ABCB9: variants seen among roughly 807,000 people sequenced by gnomAD.
The protein encoded by ABCB9 is ABC-type oligopeptide transporter ABCB9.
In ABCB9, 36 loss-of-function variants were observed where a neutral mutation model predicts 62.0. The observed-to-expected ratio is 0.58, with a 90% CI of 0.45 to 0.77. The LOEUF (loss-of-function observed/expected upper bound fraction) is 0.77. Ranked by LOEUF, ABCB9 falls within the 30% of genes least tolerant of loss-of-function variation. ABCB9 has a pLI of 0.00. For synonymous variants in ABCB9, 435 were observed against 461.4 expected, an observed-to-expected ratio of 0.94 and a Z score of 0.73; for missense variants, 943 against 1,054.7, an observed-to-expected ratio of 0.89 and a Z score of 1.47.
At chr12:122,928,029 CA>C (rs1214361671), downstream of ABCB9, among the ~76,000 whole-genome samples, 1 of 152,122 alleles carries the variant, frequency 6.6e-6, no homozygotes, top group Non-Finnish European at 1.5e-5. Context: ...TGGTGGCCCC[CA>C]AAAGCTTCCC....
chr12:122,950,496 T>C lies in ABCB9; in HGVS notation c.671A>G (p.Gln224Arg), dbSNP rs1173490093. The C allele has an allele frequency of 2.5e-6, 4 of 1,613,384 alleles. No homozygotes were observed. Among genetic ancestry groups the C allele is most frequent in the South Asian group, 1.1e-5 (1 of 91,074 alleles). The change falls in exon 3 of 12, where the codon CAG becomes CGG. Residue 224 changes from glutamine (Q) to arginine (R), a missense_variant. Physicochemically the swap from Gln to Arg is conservative, Grantham distance 43. Coordinates refer to ENST00000280560, the MANE Select transcript of ABCB9 (RefSeq NM_019625.4). ...CACGATGACGACAGCCGTGCTGAAC[T>C]GATCCATGCTTTTCTGGATGACGAT... ...DGIVIQKSMD[Q>R]FSTAVVIVCL...
chr12:122,941,124 A>C, intron 7 of ABCB9, 129 bp from the exon 8 acceptor site: 1 of 938,930 alleles, frequency 1.1e-6, no homozygotes, highest in Non-Finnish European at 1.6e-6. Flanking sequence ...AGGCCACCTG[A>C]CCACCCACTG....
At chr12:122,955,617 A>G (rs1184981869) in intron 2 of ABCB9, among the ~76,000 whole-genome samples, 2 of 152,136 alleles carry the variant, frequency 1.3e-5, no homozygotes, top group African/African-American at 4.8e-5. Context: ...CCTGGCCTCA[A>G]GTGATCCTCC....
intron 4 of ABCB9, 170 bp from the exon 5 acceptor site, chr12:122,948,999 G>A (rs2036208789): frequency 1.8e-6 from 1 of 544,126 alleles, no homozygotes; most frequent in Non-Finnish European, 3.2e-6. Flanking sequence ...GCTACTCTGA[G>A]CCAATCCCAG....
downstream of ABCB9, among the ~76,000 whole-genome samples, chr12:122,926,642 A>C (rs1203710390): frequency 6.6e-6 from 1 of 152,026 alleles, no homozygotes; most frequent in Non-Finnish European, 1.5e-5. Flanking sequence ...TAAGCTCAAC[A>C]CTTTGGGAGG....
chr12:122,926,004 G>A (rs1308958237), downstream of ABCB9, among the ~76,000 whole-genome samples: 1 of 152,182 alleles, frequency 6.6e-6, no homozygotes, highest in African/African-American at 2.4e-5. Context: ...ACGTAGTATA[G>A]GGTTCCATGT....
chr12:122,965,633 G>GCCCTGCACTATC (rs2037129542), intron 1 of ABCB9, among the ~76,000 whole-genome samples: 1 of 152,190 alleles, frequency 6.6e-6, no homozygotes, highest in Non-Finnish European at 1.5e-5. Context: ...TTGTCACCCG[G>GCCCTGCACTATC]CCCTGCACTA....
chr12:122,948,862 C>T, intron 4 of ABCB9, 33 bp from the exon 5 acceptor site: 2 of 1,446,054 alleles, frequency 1.4e-6, no homozygotes, highest in South Asian at 1.5e-5. Flanking sequence ...CTCACCACAG[C>T]AACCCGGGCC....
At chr12:122,961,660 A>G (rs552156233) in intron 1 of ABCB9, among the ~76,000 whole-genome samples, 1 of 152,324 alleles carries the variant, frequency 6.6e-6, no homozygotes, top group Admixed American at 6.5e-5. Context: ...TTGGGAAGGC[A>G]GCAAGGCCCC....
intron 2 of ABCB9, among the ~76,000 whole-genome samples, chr12:122,957,843 T>A (rs546959416): frequency 6.6e-6 from 1 of 151,048 alleles, no homozygotes; most frequent in Admixed American, 6.6e-5. Flanking sequence ...TACAGATCCA[T>A]CCACATTCAT....
chr12:122,970,922 C>T (rs943759804), upstream of ABCB9, among the ~76,000 whole-genome samples: 7 of 152,112 alleles, frequency 4.6e-5, no homozygotes, highest in African/African-American at 1.7e-4. Flanking sequence ...GAAAAAGCTC[C>T]CTACTGTATG....
chr12:122,964,349 A>C lies in ABCB9; in HGVS notation c.-88+1938T>G, dbSNP rs2135928549. On this transcript the variant is annotated intron_variant, in intron 1 of 11. Transcript: ENST00000280560. This position sits in a 1 kb window ranked among gnomAD's most constrained non-coding sequence, Gnocchi z 4.7. The stretch of plus-strand genomic sequence containing the variant: ...TCTTCATCAGAATAAACAAAATTTC[A>C]AACACTCATATCGCAGACTACCAAA... Among the ~76,000 whole-genome samples the C allele has an allele frequency of 6.6e-6, 1 of 152,252 alleles. No homozygotes were observed. The highest frequency in any genetic ancestry group is 2.1e-4 in the South Asian group (1 of 4,818).
Position 122,960,454 on chromosome 12 carries a change from C to A in ABCB9, c.-87-132G>T. On this transcript the variant is annotated intron_variant, in intron 1 of 11. Coordinates refer to ENST00000280560, the MANE Select transcript of ABCB9 (RefSeq NM_019625.4). ...TCTGTAAAATGGCAATATCAACTTC[C>A]CGGGTACTAAGATTCCACTCATTCA... 5 of 634,242 alleles carry A rather than the reference C, an allele frequency of 7.9e-6. No homozygotes were observed. In the South Asian group the frequency reaches 1.1e-4, roughly 13 times the overall value. The allele number at this position is 634,242 out of a possible 1,614,324, so 39.3% of individuals were successfully genotyped here.
chr12:122,966,854 G>A (rs988442717), upstream of ABCB9, among the ~76,000 whole-genome samples: 2 of 152,248 alleles, frequency 1.3e-5, no homozygotes, highest in Non-Finnish European at 2.9e-5. Context: ...AGTCCAGGAG[G>A]GTGGGTTATG....
rs778404765 is a variant in ABCB9 at position 122,935,232 on chromosome 12, C to T, written c.1903+40G>A. ...CAGAGGGTTATGTCCCTGAGGGTGA[C>T]CCTGTGGGCCCAGGAGAGGGGCCAC... On this transcript the variant is annotated intron_variant, in intron 10 of 11. Transcript: ENST00000280560. 27 of 1,561,714 alleles carry T rather than the reference C, an allele frequency of 1.7e-5. 1 individual carries two copies. Among genetic ancestry groups the T allele is most frequent in the Non-Finnish European group, 2.3e-5 (26 of 1,152,248 alleles).
chr12:122,936,370 G>A (rs73408838), intron 9 of ABCB9, among the ~76,000 whole-genome samples: 3,886 of 152,228 alleles, frequency 0.026, 155 homozygotes, highest in African/African-American at 0.087. Context: ...TAAGGTGGAG[G>A]GGAACATTCA....
At chr12:122,948,592 C>T (rs773194922) in intron 5 of ABCB9, 32 bp downstream of exon 5, 1 of 1,563,798 alleles carries the variant, frequency 6.4e-7, no homozygotes, top group Non-Finnish European at 8.7e-7. Flanking sequence ...TGCCAGGGTG[C>T]ACAGTCCCCA....
Position 122,929,195 on chromosome 12 carries a change from C to A in ABCB9, c.*716G>T. 7.1e-6 allele frequency: 7 copies of A among 985,694 alleles called. No homozygotes were observed. The highest frequency in any genetic ancestry group is 8.4e-6 in the Non-Finnish European group (7 of 830,028). 61.1% of individuals were successfully genotyped at this position (985,694 alleles called of 1,614,324 possible). A position where few individuals can be genotyped will look rare whatever the true frequency, so the allele number is the denominator to read the frequency against. On this transcript the variant is annotated 3_prime_UTR_variant, in exon 12 of 12. Coordinates refer to ENST00000280560, the MANE Select transcript of ABCB9 (RefSeq NM_019625.4). This position sits in a 1 kb window ranked among gnomAD's most constrained non-coding sequence, Gnocchi z 6.0. ...AGGCTGCCAGCCAGGGGTGGGTGGA[C>A]GAGGGGCGAAAGCGCTGGGTGCCGG...
downstream of ABCB9, among the ~76,000 whole-genome samples, chr12:122,926,599 A>C (rs192042435): frequency 6.6e-6 from 1 of 151,784 alleles, no homozygotes; most frequent in Non-Finnish European, 1.5e-5. Context: ...AGAAAACATT[A>C]TATCTCTAGC....
Sources: gnomAD v4.1 joint callset for allele counts (sites outside exome capture counted in the v4.1 genomes callset) on GRCh38, gnomAD v4.1.1 for gene constraint, Gnocchi (gnomAD v3.1) non-coding constraint, MANE v1.5 for transcripts, NCBI Gene and HGNC (gene_info 2026-07-23, HGNC 2026-07-21) for gene names.